Variants in PARP1 observed in about 807,000 individuals in gnomAD.
The protein encoded by PARP1 is poly(ADP-ribose) polymerase 1, also known as poly [ADP-ribose] polymerase 1.
PARP1 carries 44 observed loss-of-function variants against 118.7 expected under a neutral mutation model. That is an observed-to-expected ratio of 0.37 (90% confidence interval 0.29 to 0.48). PARP1 has a LOEUF of 0.48. Among genes scored for constraint, PARP1 ranks in the 20% least tolerant of loss-of-function variants. The probability of loss-of-function intolerance (pLI) is 0.99; values close to 1 mark genes in which losing one functional copy is unlikely to be tolerated. For synonymous variants in PARP1, 492 were observed against 483.2 expected, an observed-to-expected ratio of 1.02 and a Z score of -0.24; for missense variants, 1,100 against 1,272.4, an observed-to-expected ratio of 0.86 and a Z score of 2.06.
intron 19 of PARP1, 123 bp downstream of exon 19, chr1:226,364,879 A>G (rs1664225239): frequency 9.3e-7 from 1 of 1,076,418 alleles, no homozygotes; most frequent in Non-Finnish European, 1.4e-6. Flanking sequence ...AAAAGGGTGA[A>G]GGCCCAAAGA....
At chr1:226,379,398 C>A in intron 11 of PARP1, 124 bp from the exon 12 acceptor site, 1 of 1,350,718 alleles carries the variant, frequency 7.4e-7, no homozygotes, top group Non-Finnish European at 1.1e-6. Flanking sequence ...CCTCGGGAGG[C>A]TCCCCACAAA....
chr1:226,395,925 A>C (rs1664907387), intron 2 of PARP1, among the ~76,000 whole-genome samples: 1 of 152,236 alleles, frequency 6.6e-6, no homozygotes. Context: ...CAGGGAGAAC[A>C]GGCAGTTATT....
intron 18 of PARP1, 147 bp downstream of exon 18, chr1:226,365,807 C>A: frequency 1.2e-5 from 7 of 576,630 alleles, no homozygotes; most frequent in South Asian, 3.8e-5. Context: ...AAAAAAACTA[C>A]TAATTTTTCT....
intron 18 of PARP1, 137 bp from the exon 19 acceptor site, chr1:226,365,291 A>G (rs1664235823): frequency 1.5e-5 from 15 of 1,010,076 alleles, no homozygotes; most frequent in South Asian, 1.2e-4. Flanking sequence ...TGCAATGTAA[A>G]AAGTGTTTTC....
intron 18 of PARP1, 91 bp downstream of exon 18, chr1:226,365,863 C>A: frequency 1.3e-6 from 1 of 781,852 alleles, no homozygotes; most frequent in Non-Finnish European, 2.3e-6. Context: ...AGTAAATAAA[C>A]TGCTCTTTTC....
At chr1:226,399,957 C>G (rs1465619518) in intron 2 of PARP1, among the ~76,000 whole-genome samples, 1 of 151,498 alleles carries the variant, frequency 6.6e-6, no homozygotes, top group African/African-American at 2.4e-5. Context: ...GAGCCGAGAT[C>G]ACACCACTGC....
At chr1:226,396,192 A>G (rs776452283) in intron 2 of PARP1, among the ~76,000 whole-genome samples, 1 of 152,022 alleles carries the variant, frequency 6.6e-6, no homozygotes, top group Non-Finnish European at 1.5e-5. Flanking sequence ...CTAAAAATAC[A>G]AAAATTAGCC....
chr1:226,400,324 C>A (rs1299785531), intron 2 of PARP1, among the ~76,000 whole-genome samples: 2 of 151,246 alleles, frequency 1.3e-5, no homozygotes, highest in Admixed American at 6.6e-5. Flanking sequence ...ACAAAAACAA[C>A]AACAAAAAAA....
At chr1:226,392,410 C>T (rs563713286) in intron 2 of PARP1, 96 bp from the exon 3 acceptor site, 64 of 832,476 alleles carry the variant, frequency 7.7e-5, no homozygotes, top group Non-Finnish European at 9.3e-5. Context: ...GATCCTTCCA[C>T]TAGGACACCT....
At chr1:226,402,768 C>T (rs942030959) in intron 1 of PARP1, among the ~76,000 whole-genome samples, 7 of 152,234 alleles carry the variant, frequency 4.6e-5, no homozygotes, top group Non-Finnish European at 1.0e-4. Context: ...TGCAGAGTCA[C>T]AATCCTGCAG....
chr1:226,368,377 G>T, intron 15 of PARP1, 56 bp from the exon 16 acceptor site: 7 of 1,612,628 alleles, frequency 4.3e-6, no homozygotes, highest in Non-Finnish European at 5.1e-6. Context: ...CCAAGCCCCC[G>T]GCCAGGCTTT....
intron 15 of PARP1, 73 bp downstream of exon 15, chr1:226,370,361 G>C: frequency 1.9e-6 from 2 of 1,057,874 alleles, no homozygotes; most frequent in South Asian, 2.5e-5. Flanking sequence ...TGTTACCCCT[G>C]CCACCCCCAG....
intron 2 of PARP1, among the ~76,000 whole-genome samples, chr1:226,397,404 T>C (rs559212625): frequency 1.3e-5 from 2 of 152,240 alleles, no homozygotes; most frequent in East Asian, 3.9e-4. Flanking sequence ...GAGCCGTTAC[T>C]AACCTGTTTG....
chr1:226,385,590 A>G lies in PARP1; in HGVS notation c.925T>C (p.Tyr309His). 1 of 1,614,150 alleles carries G rather than the reference A, an allele frequency of 6.2e-7. No homozygotes were observed. Among genetic ancestry groups the G allele is most frequent in the Non-Finnish European group, 8.5e-7 (1 of 1,180,012 alleles). The change falls in exon 7 of 23, where the codon TAT becomes CAT. Residue 309 changes from tyrosine (Y) to histidine (H), a missense_variant. By Grantham distance (83) the Tyr-to-His change is moderately conservative. Coordinates refer to ENST00000366794, the MANE Select transcript of PARP1 (RefSeq NM_001618.4). ...SGQLVFKSDA[Y>H]YCTGDVTAWT... ...GCAGTGACGTCCCCAGTGCAGTAAT[A>G]GGCATCGCTCTTGAAGACCAGCTGA... is the stretch of plus-strand genomic sequence containing the variant.
chr1:226,361,428 G>C lies in PARP1; in HGVS notation c.*32C>G, dbSNP rs2102724541. On this transcript the variant is annotated 3_prime_UTR_variant, in exon 23 of 23. Transcript: ENST00000366794. ...GCGCTTCGGGTGAATTCATACCAGA[G>C]CCACCGGGTGTGACTCGGCTACCTC... 2.0e-6 allele frequency: 3 copies of C among 1,469,938 alleles called. No homozygotes were observed. Among genetic ancestry groups the C allele is most frequent in the South Asian group, 2.3e-5 (2 of 88,064 alleles). 91.1% of individuals were successfully genotyped at this position (1,469,938 alleles called of 1,614,324 possible).
chr1:226,392,229 C>A lies in PARP1; in HGVS notation c.372G>T (p.Thr124=), dbSNP rs199514247. Residue 124 remains threonine (T), a synonymous_variant, in exon 3 of 23, where the codon ACG becomes ACT. Transcript: ENST00000366794. ...CTATCTTCTCCATACACCCCTTGCACGTACTTCTGTTGGACTTGGCATACT... is the reference window on the plus strand; with the variant it reads ...CTATCTTCTCCATACACCCCTTGCAAGTACTTCTGTTGGACTTGGCATACT... ...AAEYAKSNRS[T]CKGCMEKIEK... is the part of the protein sequence containing the mutation. The A allele has an allele frequency of 5.6e-6, 9 of 1,613,460 alleles. No individual in the cohort carries two copies. Among genetic ancestry groups the A allele is most frequent in the South Asian group, 1.1e-5 (1 of 91,084 alleles).
chr1:226,368,135 C>G, intron 16 of PARP1, 64 bp downstream of exon 16: 1 of 1,604,230 alleles, frequency 6.2e-7, no homozygotes. Context: ...TGGGGAGGGA[C>G]GGCTGCAAGG....
Position 226,380,137 on chromosome 1 carries a change from A to T in PARP1, c.1328T>A (p.Met443Lys), listed in dbSNP as rs763555236. 1 of 1,614,178 alleles carries T rather than the reference A, an allele frequency of 6.2e-7. No homozygotes were observed. Among genetic ancestry groups the T allele is most frequent in the Middle Eastern group, 1.7e-4 (1 of 6,058 alleles). The change falls in exon 10 of 23, where the codon ATG becomes AAG. Residue 443 changes from methionine to lysine, a missense_variant. Transcript: ENST00000366794. ...KKEVEKMNKK[M>K]EEVKEANIRV... Reference sequence around the variant, plus strand: ...GATGTTGGCTTCCTTTACTTCCTCCATCTTCTTATTCATCTTTTCCACCTC... The same window carrying T: ...GATGTTGGCTTCCTTTACTTCCTCCTTCTTCTTATTCATCTTTTCCACCTC...
chr1:226,372,446 T>A lies in PARP1; in HGVS notation c.2070+1780A>T, dbSNP rs529100870. On this transcript the variant is annotated intron_variant, in intron 14 of 22. Coordinates refer to ENST00000366794, the MANE Select transcript of PARP1 (RefSeq NM_001618.4). ...CAGCACTTTGGGAGGCTGAGGCAGG[T>A]GGATCATCTGAGGTTAGGAGTTCAA... 8.5e-5 allele frequency among the ~76,000 whole-genome samples: 13 copies of A among 152,074 alleles called. No individual in the cohort carries two copies. In the East Asian group the frequency reaches 1.6e-3, roughly 18 times the overall value.
Sources: allele counts gnomAD v4.1 joint callset (sites outside exome capture counted in the v4.1 genomes callset), GRCh38; gene constraint gnomAD v4.1.1; transcripts MANE v1.5; gene names NCBI Gene and HGNC (gene_info 2026-07-23, HGNC 2026-07-21).